The following GRID2 variants were observed in gnomAD, a reference collection of about 807,000 sequenced individuals.
GRID2 encodes glutamate ionotropic receptor delta type subunit 2.
Under a neutral mutation model 114.8 loss-of-function variants are expected in GRID2, and 33 were observed. The ratio of observed to expected loss-of-function variants is 0.29; its 90% confidence interval spans 0.22 to 0.38. The LOEUF is 0.38. GRID2 is among the 10% of genes least tolerant of loss of function. The pLI is 1.00. For synonymous variants in GRID2, 505 were observed against 449.9 expected (o/e 1.12, Z -1.55); for missense variants, 1,184 against 1,257.7 (o/e 0.94, Z 0.89).
At chr4:92,327,491 G>GTTT (rs2110137334) in intron 1 of GRID2, among the ~76,000 whole-genome samples, 1 of 151,902 alleles carries the variant, frequency 6.6e-6, no homozygotes, top group Non-Finnish European at 1.5e-5. Flanking sequence ...TGTATTCTAT[G>GTTT]TTTTATCTTT....
chr4:92,505,761 G>A (rs1723932209), intron 1 of GRID2, among the ~76,000 whole-genome samples: 1 of 151,918 alleles, frequency 6.6e-6, no homozygotes, highest in Admixed American at 6.6e-5. Flanking sequence ...CTAAATTTTT[G>A]TTGAATATAT....
At chr4:92,587,097 G>GTTGTGT in intron 1 of GRID2, among the ~76,000 whole-genome samples, 1 of 88,852 alleles carries the variant, frequency 1.1e-5, no homozygotes, top group African/African-American at 5.2e-5. Flanking sequence ...CTGATGAAAT[G>GTTGTGT]CTGTGTGTGT....
At chr4:93,801,776 T>C (rs917883442) in intron 1 of GRID2, among the ~76,000 whole-genome samples, 6 of 152,196 alleles carry the variant, frequency 3.9e-5, no homozygotes, top group African/African-American at 1.2e-4. Flanking sequence ...GATGTCATAC[T>C]AACAGTAAAA....
intron 2 of GRID2, among the ~76,000 whole-genome samples, chr4:92,771,002 A>T (rs989297952): frequency 6.6e-6 from 1 of 152,162 alleles, no homozygotes; most frequent in Non-Finnish European, 1.5e-5. Context: ...ATGAGAACTG[A>T]AATATATTTA....
intron 8 of GRID2, among the ~76,000 whole-genome samples, chr4:93,394,551 C>A (rs768360139): frequency 6.6e-6 from 1 of 151,788 alleles, no homozygotes; most frequent in Non-Finnish European, 1.5e-5. Context: ...AAGCTACAGA[C>A]AAACCGCAAT....
At chr4:93,496,013 G>A (rs1428820894) in intron 12 of GRID2, among the ~76,000 whole-genome samples, 1 of 151,438 alleles carries the variant, frequency 6.6e-6, no homozygotes, top group Non-Finnish European at 1.5e-5. Flanking sequence ...TGCATCTCAA[G>A]GTCTACTATT....
chr4:93,020,652 T>C (rs1578769974), intron 2 of GRID2, among the ~76,000 whole-genome samples: 1 of 152,310 alleles, frequency 6.6e-6, no homozygotes, highest in East Asian at 1.9e-4. Context: ...TCTTTCATAT[T>C]CTGGGGAAAC....
intron 2 of GRID2, among the ~76,000 whole-genome samples, chr4:92,915,178 C>G (rs1226754310): frequency 6.6e-6 from 1 of 152,104 alleles, no homozygotes. Flanking sequence ...ATAATGAGAA[C>G]AGCAAGGGGG....
intron 2 of GRID2, among the ~76,000 whole-genome samples, chr4:92,847,649 A>G (rs1743433165): frequency 6.6e-6 from 1 of 152,022 alleles, no homozygotes; most frequent in African/African-American, 2.4e-5. Context: ...TATACTGATG[A>G]ATTTGTTCCC....
intron 2 of GRID2, among the ~76,000 whole-genome samples, chr4:93,029,711 T>A (rs1372100763): frequency 6.6e-6 from 1 of 152,216 alleles, no homozygotes; most frequent in Non-Finnish European, 1.5e-5. Flanking sequence ...AGGTTTTTTT[T>A]AATATTTAAT....
At chr4:93,196,687 ACTGT>A (rs1192470358) in intron 4 of GRID2, among the ~76,000 whole-genome samples, 8 of 152,130 alleles carry the variant, frequency 5.3e-5, no homozygotes, top group South Asian at 2.1e-4. Context: ...AGACTAATTA[ACTGT>A]CTAACTACAG....
chr4:92,736,164 G>A (rs1456027871), intron 2 of GRID2, among the ~76,000 whole-genome samples: 1 of 152,082 alleles, frequency 6.6e-6, no homozygotes, highest in Non-Finnish European at 1.5e-5. Context: ...AAATAGAAAG[G>A]TAAGAGCATC....
At chr4:93,738,594 G>A (rs1731119983) in intron 14 of GRID2, among the ~76,000 whole-genome samples, 1 of 152,086 alleles carries the variant, frequency 6.6e-6, no homozygotes, top group Non-Finnish European at 1.5e-5. Flanking sequence ...GAGTCAGAAG[G>A]ATGACTTTGG....
At chr4:93,370,288 C>T (rs1368717) in intron 8 of GRID2, among the ~76,000 whole-genome samples, 6,811 of 152,112 alleles carry the variant, frequency 0.045, 179 homozygotes, top group South Asian at 0.068. Context: ...GCATGCAATG[C>T]TTCTTCTTAA....
chr4:92,613,720 G>C (rs1244632883), intron 2 of GRID2, among the ~76,000 whole-genome samples: 2 of 151,376 alleles, frequency 1.3e-5, no homozygotes, highest in African/African-American at 4.8e-5. Context: ...TGTTGGTAGA[G>C]AGGTTCTCTT....
intron 14 of GRID2, among the ~76,000 whole-genome samples, chr4:93,739,635 C>G (rs1460863667): frequency 1.3e-5 from 2 of 152,178 alleles, no homozygotes; most frequent in African/African-American, 2.4e-5. Context: ...AAAGTTGCCA[C>G]TATCCAAAAA....
At chr4:92,568,380 A>G (rs1727440958) in intron 1 of GRID2, among the ~76,000 whole-genome samples, 1 of 151,980 alleles carries the variant, frequency 6.6e-6, no homozygotes, top group South Asian at 2.1e-4. Context: ...CCTGACATAC[A>G]AAGAAACTTT....
At chr4:93,008,119 G>A (rs918171896) in intron 2 of GRID2, among the ~76,000 whole-genome samples, 10 of 151,726 alleles carry the variant, frequency 6.6e-5, no homozygotes, top group Non-Finnish European at 8.8e-5. Flanking sequence ...CCTAAATAAC[G>A]GAAACAATGG....
chr4:92,793,812 A>G (rs1035447829), intron 2 of GRID2, among the ~76,000 whole-genome samples: 1 of 151,900 alleles, frequency 6.6e-6, no homozygotes, highest in African/African-American at 2.4e-5. Flanking sequence ...CAGAACACAA[A>G]CAAAACCCAT....
Sources: gnomAD v4.1 joint callset for allele counts (sites outside exome capture counted in the v4.1 genomes callset) on GRCh38, gnomAD v4.1.1 for gene constraint, MANE v1.5 for transcripts, NCBI Gene and HGNC (gene_info 2026-07-23, HGNC 2026-07-21) for gene names.